Variants in ELN observed in about 807,000 individuals in gnomAD.
The protein encoded by ELN is tropoelastin.
In ELN, 65 loss-of-function variants were observed where a neutral mutation model predicts 105.8. That is an observed-to-expected ratio of 0.61 (90% CI 0.50 to 0.75). The LOEUF (loss-of-function observed/expected upper bound fraction) is 0.75. ELN is among the 30% of genes least tolerant of loss of function. ELN has a pLI of 0.00. For missense variants in ELN, 882 were observed against 969.4 expected (o/e 0.91, Z 1.20); for synonymous variants, 368 against 389.2 (o/e 0.95, Z 0.64).
intron 19 of ELN, 113 bp from the exon 20 acceptor site, chr7:74,056,158 G>A: frequency 7.0e-7 from 1 of 1,431,956 alleles, no homozygotes; most frequent in Admixed American, 1.7e-5. Context: ...GTCTTTTATG[G>A]ACAAGGCCTG....
chr7:74,038,868 C>T (rs573242749), intron 4 of ELN, among the ~76,000 whole-genome samples: 4 of 152,332 alleles, frequency 2.6e-5, no homozygotes, highest in South Asian at 4.1e-4. Flanking sequence ...CCAGGAGAGG[C>T]GGGAGAACGG....
At position 74,042,703 on chromosome 7, in the gene ELN, G is replaced by T; in HGVS notation, c.322G>T (p.Ala108Ser). 1 of 1,612,696 alleles carries T rather than the reference G, an allele frequency of 6.2e-7. No individual in the cohort carries two copies. Among genetic ancestry groups the T allele is most frequent in the Non-Finnish European group, 8.5e-7 (1 of 1,179,998 alleles). ...TGCTGCAGCCTATAAAGCTGCTAAG[G>T]CTGGTGAGTGGTGCTCTTTGGGACA... Reference protein sequence around the residue: ...DAAAAYKAAKAGAGLGGVPGV... With the variant: ...DAAAAYKAAKSGAGLGGVPGV... The change falls in exon 6 of 33, where the codon GCT becomes TCT. Residue 108 changes from alanine (A) to serine (S), a missense_variant. Ala to Ser is a moderately conservative substitution (Grantham distance 99). Transcript: ENST00000252034.
intron 26 of ELN, among the ~76,000 whole-genome samples, chr7:74,062,842 C>A (rs1317835283): frequency 6.6e-6 from 1 of 152,168 alleles, no homozygotes; most frequent in African/African-American, 2.4e-5. Context: ...TGAGCCACCG[C>A]ACCCGGCTTA....
intron 26 of ELN, chr7:74,062,374 C>T (rs1291860698): frequency 1.3e-5 from 2 of 152,288 alleles, no homozygotes; most frequent in Non-Finnish European, 2.9e-5. Flanking sequence ...AGCCACTTCC[C>T]GTCCCTGAAG....
rs782213031 is a variant in ELN, at chr7:74,056,289, G to A, written c.1169G>A (p.Gly390Glu). Reference protein sequence around the residue: ...AAKYGARPGVGVGGIPTYGVG... With the variant: ...AAKYGARPGVEVGGIPTYGVG... ...TCTGCAGGGGCCAGGCCCGGAGTCG[G>A]AGTTGGAGGCATTCCTACTTACGGG... The change falls in exon 20 of 33, where the codon GGA becomes GAA. Residue 390 changes from glycine (G) to glutamate (E), a missense_variant. By Grantham distance (98) the Gly-to-Glu change is moderately conservative. Transcript: ENST00000252034. 2 of 1,614,114 alleles carry A rather than the reference G, an allele frequency of 1.2e-6. No individual in the cohort carries two copies. The highest frequency in any genetic ancestry group is 2.2e-5 in the East Asian group (1 of 44,864).
intron 17 of ELN, 105 bp from the exon 18 acceptor site, chr7:74,053,058 A>G (rs901991029): frequency 4.5e-6 from 7 of 1,548,472 alleles, no homozygotes; most frequent in East Asian, 2.3e-5. Flanking sequence ...ACCCACCTGC[A>G]ATCCTGCATT....
At chr7:74,031,257 G>T (rs782494010) in intron 1 of ELN, among the ~76,000 whole-genome samples, 1 of 152,186 alleles carries the variant, frequency 6.6e-6, no homozygotes, top group Non-Finnish European at 1.5e-5. Flanking sequence ...AAAATGGGGA[G>T]AAACAGCCCT....
chr7:74,035,062 C>T (rs1249105351), intron 1 of ELN, among the ~76,000 whole-genome samples: 1 of 152,234 alleles, frequency 6.6e-6, no homozygotes, highest in East Asian at 1.9e-4. Flanking sequence ...GATCCCACCA[C>T]TGCACTCCAG....
chr7:74,053,790 G>A (rs1196669991), intron 18 of ELN, among the ~76,000 whole-genome samples: 2 of 151,650 alleles, frequency 1.3e-5, no homozygotes, highest in African/African-American at 4.9e-5. Flanking sequence ...ATAAGTGGAT[G>A]GATGAATGGG....
At chr7:74,060,573 C>A (rs1554683797) in intron 25 of ELN, 72 bp downstream of exon 25, 1 of 1,608,786 alleles carries the variant, frequency 6.2e-7, no homozygotes. Flanking sequence ...CTCTCAGCAC[C>A]TCCCCAGCAC....
At chr7:74,041,373 AC>A in intron 5 of ELN, 122 bp downstream of exon 5, 31 of 1,262,436 alleles carry the variant, frequency 2.5e-5, no homozygotes, top group Non-Finnish European at 3.5e-5. Context: ...CTGGGCACTG[AC>A]GGGGACTGAT....
chr7:74,052,871 AAGAGAG>A (rs782502952), intron 17 of ELN: 26 of 414,472 alleles, frequency 6.3e-5, no homozygotes, highest in Non-Finnish European at 1.1e-4. Flanking sequence ...GAAAGAAAGA[AAGAGAG>A]AGAGAGAGAG....
At chr7:74,042,191 G>A (rs954013762) in intron 5 of ELN, among the ~76,000 whole-genome samples, 1 of 151,866 alleles carries the variant, frequency 6.6e-6, no homozygotes, top group Non-Finnish European at 1.5e-5. Flanking sequence ...AGGCTGAGAC[G>A]GGCAGATGGC....
chr7:74,060,683 C>A (rs1796455501), intron 25 of ELN, 182 bp downstream of exon 25: 2 of 1,486,024 alleles, frequency 1.3e-6, no homozygotes, highest in East Asian at 2.5e-5. Flanking sequence ...GGCCAAGGGA[C>A]CCCAGGCTGC....
intron 17 of ELN, 66 bp from the exon 18 acceptor site, chr7:74,053,097 C>T (rs1794456179): frequency 6.2e-7 from 1 of 1,612,236 alleles, no homozygotes; most frequent in Non-Finnish European, 8.5e-7. Context: ...CCATACTCTA[C>T]TAACCACCCT....
intron 9 of ELN, 79 bp from the exon 10 acceptor site, chr7:74,045,143 G>T: frequency 6.4e-7 from 1 of 1,554,230 alleles, no homozygotes; most frequent in Non-Finnish European, 8.8e-7. Context: ...GGTCAGCTGG[G>T]GGACCCGAGG....
At chr7:74,052,881 G>C (rs1563824342) in intron 17 of ELN, 3 of 499,178 alleles carry the variant, frequency 6.0e-6, no homozygotes, top group Non-Finnish European at 1.1e-5. Flanking sequence ...AAGAGAGAGA[G>C]AGAGAGAGAA....
chr7:74,068,370 G>A (rs1798442389), intron 32 of ELN, among the ~76,000 whole-genome samples: 1 of 152,204 alleles, frequency 6.6e-6, no homozygotes, highest in Admixed American at 6.5e-5. Flanking sequence ...TGGAGCAGTG[G>A]AGCCAGGAGC....
At chr7:74,061,733 T>G (rs1175554419) in intron 26 of ELN, among the ~76,000 whole-genome samples, 1 of 152,158 alleles carries the variant, frequency 6.6e-6, no homozygotes, top group African/African-American at 2.4e-5. Context: ...CCCTGCCCAC[T>G]AAATGCTTAT....
Sources: allele counts gnomAD v4.1 joint callset (sites outside exome capture counted in the v4.1 genomes callset), GRCh38; gene constraint gnomAD v4.1.1; transcripts MANE v1.5; gene names NCBI Gene and HGNC (gene_info 2026-07-23, HGNC 2026-07-21).